SLC9B1: variants seen among roughly 807,000 people sequenced by gnomAD.
SLC9B1 encodes the protein solute carrier family 9 member B1, also known as sodium/hydrogen exchanger 9B1.
SLC9B1 carries 32 observed loss-of-function variants against 51.7 expected under a neutral mutation model. The observed-to-expected ratio is 0.62, with a 90% CI of 0.47 to 0.83. SLC9B1 has a LOEUF of 0.83. Ranked by LOEUF, SLC9B1 falls within the 40% of genes least tolerant of loss-of-function variation. The pLI is 0.00. For missense variants in SLC9B1, 406 were observed against 613.2 expected, an observed-to-expected ratio of 0.66 and a Z score of 3.57; for synonymous variants, 145 against 212.7, an observed-to-expected ratio of 0.68 and a Z score of 2.77.
At chr4:102,974,518 T>A (rs1424635532) in intron 3 of SLC9B1, among the ~76,000 whole-genome samples, 1 of 152,086 alleles carries the variant, frequency 6.6e-6, no homozygotes, top group African/African-American at 2.4e-5. Flanking sequence ...AAGTGAATAC[T>A]ATAAATGACT....
intron 6 of SLC9B1, among the ~76,000 whole-genome samples, chr4:102,937,412 TAAAAAAAAAA>T (rs754801733): frequency 4.4e-5 from 2 of 45,216 alleles, no homozygotes; most frequent in African/African-American, 1.2e-4. Context: ...TCAGCATTCT[TAAAAAAAAAA>T]AAAAAAAAAA....
At position 102,949,360 on chromosome 4, in the gene SLC9B1, T is replaced by A; in HGVS notation, c.279A>T (p.Gly93=). ...SILGSEALPG[G]NLFGLFIIFY... ...AAATAATGAACAACCCAAATAAATT[T>A]CCACCAGGGAGAGCTTCAGAGCCTA... Residue 93 remains glycine, a synonymous_variant, in exon 4 of 12, where the codon GGA becomes GGT. Coordinates refer to ENST00000296422, the MANE Select transcript of SLC9B1 (RefSeq NM_139173.4). 1 of 1,610,762 alleles carries A rather than the reference T, an allele frequency of 6.2e-7. No homozygotes were observed. The highest frequency in any genetic ancestry group is 1.3e-5 in the African/African-American group (1 of 74,894).
rs530473758 is a variant in SLC9B1 at position 102,992,511 on chromosome 4, C to T, written c.-1-799G>A. ...CAATTTTAATAATGAAAATTGTTAA[C>T]GAAAAGGAACATTAACAGTTGAGTA... On this transcript the variant is annotated intron_variant, in intron 1 of 11. Transcript: ENST00000296422. 1.1e-4 allele frequency among the ~76,000 whole-genome samples: 16 copies of T among 152,140 alleles called. No homozygotes were observed. In the South Asian group the frequency reaches 2.3e-3, roughly 22 times the overall value.
intron 8 of SLC9B1, among the ~76,000 whole-genome samples, chr4:102,911,018 A>G (rs1243667694): frequency 6.6e-6 from 1 of 152,042 alleles, no homozygotes; most frequent in African/African-American, 2.4e-5. Context: ...AAATGGCTAA[A>G]TTTGAGTGTT....
intron 7 of SLC9B1, among the ~76,000 whole-genome samples, chr4:102,912,707 C>G (rs1228991968): frequency 2.0e-5 from 3 of 151,970 alleles, no homozygotes; most frequent in Non-Finnish European, 1.5e-5. Context: ...AGAGTGAAAC[C>G]CCATCTTTAC....
intron 3 of SLC9B1, chr4:102,962,726 C>T (rs1467043051): frequency 8.5e-6 from 4 of 469,198 alleles, no homozygotes; most frequent in Non-Finnish European, 1.7e-5. Flanking sequence ...GGTAGGAATC[C>T]CTCTTGAGCA....
intron 9 of SLC9B1, among the ~76,000 whole-genome samples, chr4:102,907,364 G>A (rs1363989589): frequency 6.6e-6 from 1 of 152,164 alleles, no homozygotes; most frequent in Non-Finnish European, 1.5e-5. Flanking sequence ...AACCATCCTG[G>A]AACTCAATCC....
At chr4:102,955,864 A>AGAAG (rs1311793411) in intron 3 of SLC9B1, among the ~76,000 whole-genome samples, 8 of 132,218 alleles carry the variant, frequency 6.1e-5, no homozygotes, top group African/African-American at 2.6e-4. Context: ...AAAGAAAGAA[A>AGAAG]GAAAGAAAGA....
At chr4:103,016,291 C>A (rs1261146400) in intron 1 of SLC9B1, among the ~76,000 whole-genome samples, 1 of 151,974 alleles carries the variant, frequency 6.6e-6, no homozygotes, top group Non-Finnish European at 1.5e-5. Context: ...ATCATTTCCA[C>A]CCCCCTCTAT....
At chr4:102,923,731 C>CG (rs913571395) in intron 7 of SLC9B1, among the ~76,000 whole-genome samples, 3 of 152,032 alleles carry the variant, frequency 2.0e-5, no homozygotes, top group Non-Finnish European at 4.4e-5. Flanking sequence ...ACAAAATCAA[C>CG]GTGTAAAAAT....
chr4:102,976,485 G>A (rs1739076395), intron 3 of SLC9B1, among the ~76,000 whole-genome samples: 1 of 152,162 alleles, frequency 6.6e-6, no homozygotes, highest in Admixed American at 6.5e-5. Context: ...AAGACTATAT[G>A]CAAGGATAGG....
chr4:102,998,333 C>A (rs953471741), intron 1 of SLC9B1, among the ~76,000 whole-genome samples: 12 of 152,182 alleles, frequency 7.9e-5, no homozygotes, highest in Non-Finnish European at 1.6e-4. Context: ...AAAATTTATT[C>A]AAAATTCTGT....
At position 102,946,518 on chromosome 4, in the gene SLC9B1, T is replaced by C. The variant is rs575386857; in HGVS notation, c.525+129A>G. ...GGCATGAGCCGCCATGCCCGGCCTT[T>C]TTTTCTTTATCTTAGGTTTGTTTAC... On this transcript the variant is annotated intron_variant, in intron 5 of 11. Coordinates refer to ENST00000296422, the MANE Select transcript of SLC9B1 (RefSeq NM_139173.4). 221 of 1,083,002 alleles carry C rather than the reference T, an allele frequency of 2.0e-4. 3 individuals carry two copies. The East Asian group carries it at 4.9e-3, about 24-fold the overall frequency. The allele number at this position is 1,083,002 out of a possible 1,614,324, so 67.1% of individuals were successfully genotyped here. A position where few individuals can be genotyped will look rare whatever the true frequency, so the allele number is the denominator to read the frequency against.
downstream of SLC9B1, among the ~76,000 whole-genome samples, chr4:102,899,455 C>T (rs1214683810): frequency 6.6e-6 from 1 of 150,888 alleles, no homozygotes; most frequent in African/African-American, 2.4e-5. Context: ...GCTCTGTCTC[C>T]CAGGCTGGAG....
rs531496189 is a variant in SLC9B1 at position 102,909,405 on chromosome 4, C to T, written c.1086+1034G>A. 1.4e-3 allele frequency among the ~76,000 whole-genome samples: 208 copies of T among 152,134 alleles called. No homozygotes were observed. The Middle Eastern group carries it at 0.017, about 12-fold the overall frequency. Reference sequence around the variant, plus strand: ...ATCACCTGAGGTCAGGAGTTTAAGACCTGCCTGGCCAACATGGTGAAACCC... The same window carrying T: ...ATCACCTGAGGTCAGGAGTTTAAGATCTGCCTGGCCAACATGGTGAAACCC... On this transcript the variant is annotated intron_variant, in intron 9 of 11. Coordinates refer to ENST00000296422, the MANE Select transcript of SLC9B1 (RefSeq NM_139173.4).
At position 102,922,255 on chromosome 4, in the gene SLC9B1, G is replaced by C. The variant is rs547338188; in HGVS notation, c.829+9869C>G. Among the ~76,000 whole-genome samples the C allele has an allele frequency of 3.9e-5, 6 of 152,222 alleles. No homozygotes were observed. The South Asian group carries it at 1.0e-3, about 26-fold the overall frequency. ...TCAAATTAGAACTTAGGATTAAGAA[G>C]CTCCCTCAAAACTGAACAACTACAT... On this transcript the variant is annotated intron_variant, in intron 7 of 11. Transcript: ENST00000296422.
intron 3 of SLC9B1, among the ~76,000 whole-genome samples, chr4:102,973,011 A>G (rs1738845167): frequency 6.6e-6 from 1 of 152,218 alleles, no homozygotes; most frequent in African/African-American, 2.4e-5. Context: ...AGAGGGGAAA[A>G]ACCTTGATCA....
intron 3 of SLC9B1, among the ~76,000 whole-genome samples, chr4:102,969,761 T>C (rs1349057453): frequency 6.6e-6 from 1 of 152,150 alleles, no homozygotes; most frequent in African/African-American, 2.4e-5. Context: ...GATGAATGGC[T>C]AACTAGAATA....
At chr4:102,946,541 T>C in intron 5 of SLC9B1, 106 bp downstream of exon 5, 1 of 1,277,572 alleles carries the variant, frequency 7.8e-7, no homozygotes, top group Non-Finnish European at 1.1e-6. Context: ...TAGGTTTGTT[T>C]ACAGACTCTA....
Sources: gnomAD v4.1 joint callset for allele counts (sites outside exome capture counted in the v4.1 genomes callset) on GRCh38, gnomAD v4.1.1 for gene constraint, MANE v1.5 for transcripts, NCBI Gene and HGNC (gene_info 2026-07-23, HGNC 2026-07-21) for gene names.